Variants in ZFAND6 observed in about 807,000 individuals in gnomAD.
The protein encoded by ZFAND6 is zinc finger AN1-type containing 6.
In ZFAND6, 12 loss-of-function variants were observed where a neutral mutation model predicts 24.5. The ratio of observed to expected loss-of-function variants is 0.49; its 90% CI spans 0.31 to 0.79. The LOEUF (loss-of-function observed/expected upper bound fraction) is 0.79. Ranked by LOEUF, ZFAND6 falls within the 30% of genes least tolerant of loss-of-function variation. The pLI is 0.04. For synonymous variants in ZFAND6, 92 were observed against 81.5 expected (o/e 1.13, Z -0.69); for missense variants, 207 against 245.9 (o/e 0.84, Z 1.06).
intron 2 of ZFAND6, among the ~76,000 whole-genome samples, chr15:80,115,275 C>T (rs1003063738): frequency 5.9e-5 from 9 of 152,080 alleles, no homozygotes; most frequent in Non-Finnish European, 1.3e-4. Context: ...GATTTGACTA[C>T]GAATGTTATG....
chr15:80,076,193 C>T (rs1388849762), intron 1 of ZFAND6, among the ~76,000 whole-genome samples: 3 of 152,098 alleles, frequency 2.0e-5, no homozygotes, highest in Non-Finnish European at 2.9e-5. Flanking sequence ...ATGGTTCCAA[C>T]GTCTGAATCT....
chr15:80,060,427 G>A (rs2036268611), intron 1 of ZFAND6: 1 of 152,124 alleles, frequency 6.6e-6, no homozygotes, highest in Non-Finnish European at 1.5e-5. Context: ...TTATATTTAA[G>A]TTTTAGCTAC....
At chr15:80,136,700 C>T (rs1350450540) in intron 6 of ZFAND6, among the ~76,000 whole-genome samples, 1 of 152,152 alleles carries the variant, frequency 6.6e-6, no homozygotes, top group East Asian at 1.9e-4. Flanking sequence ...TGCTCCATTT[C>T]TAACAATTGT....
In ZFAND6 at chr15:80,137,381, A is replaced by T. The variant is rs74026828; in HGVS notation, c.479-99A>T. On this transcript the variant is annotated intron_variant, in intron 6 of 6. Transcript: ENST00000261749. ...TATTTAGAATGATTCTTTAGTTTACATTGCTGCCCTAAATATATTGTGCTG... is the reference window on the plus strand; with the variant it reads ...TATTTAGAATGATTCTTTAGTTTACTTTGCTGCCCTAAATATATTGTGCTG... The T allele has an allele frequency of 1.1e-3, 1,398 of 1,330,690 alleles. 13 individuals are homozygous for T. The African/African-American group carries it at 0.019, about 18-fold the overall frequency. 82.4% of individuals were successfully genotyped at this position (1,330,690 alleles called of 1,614,324 possible). A position where few individuals can be genotyped will look rare whatever the true frequency, so the allele number is the denominator to read the frequency against.
chr15:80,119,558 T>C (rs2040052604), intron 2 of ZFAND6, among the ~76,000 whole-genome samples: 1 of 145,466 alleles, frequency 6.9e-6, no homozygotes, highest in Non-Finnish European at 1.5e-5. Flanking sequence ...ACTGCATAAC[T>C]TTTGTCATTT....
At chr15:80,097,456 C>G (rs568503423) in intron 1 of ZFAND6, among the ~76,000 whole-genome samples, 53 of 152,100 alleles carry the variant, frequency 3.5e-4, no homozygotes, top group African/African-American at 1.2e-3. Context: ...GAGACCAGCC[C>G]TGCCGATATG....
At chr15:80,066,510 A>G (rs1340052423) in intron 1 of ZFAND6, among the ~76,000 whole-genome samples, 1 of 151,876 alleles carries the variant, frequency 6.6e-6, no homozygotes, top group Non-Finnish European at 1.5e-5. Context: ...ATGGGGTTTC[A>G]CCACGGTGGC....
chr15:80,078,289 T>C (rs10152983), intron 1 of ZFAND6, among the ~76,000 whole-genome samples: 117,863 of 152,140 alleles, frequency 0.77, 45,898 homozygotes, highest in Admixed American at 0.85. Flanking sequence ...TTAGTTCCCA[T>C]TTATAAGTGA....
chr15:80,065,940 A>G (rs1567047096), intron 1 of ZFAND6, among the ~76,000 whole-genome samples: 1 of 152,208 alleles, frequency 6.6e-6, no homozygotes, highest in African/African-American at 2.4e-5. Context: ...TCCTCTGAGC[A>G]TAGCTTTAGC....
At chr15:80,133,124 A>G (rs923512381) in intron 6 of ZFAND6, among the ~76,000 whole-genome samples, 5 of 152,060 alleles carry the variant, frequency 3.3e-5, no homozygotes, top group African/African-American at 1.2e-4. Flanking sequence ...TCATTATATC[A>G]CAGCTTTTAG....
At chr15:80,073,700 G>A (rs948084759) in intron 1 of ZFAND6, among the ~76,000 whole-genome samples, 2 of 151,684 alleles carry the variant, frequency 1.3e-5, no homozygotes, top group African/African-American at 2.4e-5. Flanking sequence ...TTTTTTTCCT[G>A]TTCCCTTCTC....
At chr15:80,118,034 GTA>G (rs1223679887) in intron 2 of ZFAND6, among the ~76,000 whole-genome samples, 3 of 151,550 alleles carry the variant, frequency 2.0e-5, no homozygotes, top group Non-Finnish European at 2.9e-5. Context: ...GTGTGTGTGT[GTA>G]TATGTATGTA....
rs1209355116 is a variant in ZFAND6, at chr15:80,114,752, G to T, written c.-17-5576G>T. On this transcript the variant is annotated intron_variant, in intron 2 of 6. Coordinates refer to ENST00000261749, the MANE Select transcript of ZFAND6 (RefSeq NM_019006.4). ...TAATTGGTAATGAATTTTCTTTACA[G>T]TCTTAAAGCATTTAATCTTGAATTT... 2.0e-5 allele frequency among the ~76,000 whole-genome samples: 3 copies of T among 152,132 alleles called. No homozygotes were observed. In the East Asian group the frequency reaches 5.8e-4, roughly 29 times the overall value.
chr15:80,102,176 T>C (rs1244961113), intron 2 of ZFAND6, among the ~76,000 whole-genome samples: 2 of 151,272 alleles, frequency 1.3e-5, no homozygotes, highest in East Asian at 3.9e-4. Flanking sequence ...TGAGATGGAG[T>C]TTCACTCTTG....
At chr15:80,089,638 C>T (rs767946012) in intron 1 of ZFAND6, among the ~76,000 whole-genome samples, 4 of 152,112 alleles carry the variant, frequency 2.6e-5, no homozygotes, top group Non-Finnish European at 5.9e-5. Flanking sequence ...TAGCTGCTTA[C>T]CATAGGCTGA....
intron 1 of ZFAND6, among the ~76,000 whole-genome samples, chr15:80,076,825 A>G (rs1388874035): frequency 2.0e-5 from 3 of 151,740 alleles, no homozygotes; most frequent in African/African-American, 7.3e-5. Context: ...CTCTTTAACC[A>G]CCAGCTATTT....
intron 1 of ZFAND6, chr15:80,073,214 A>C: frequency 4.7e-6 from 1 of 211,700 alleles, no homozygotes; most frequent in South Asian, 5.2e-5. Flanking sequence ...TTGATGAACA[A>C]AGTGAAACTG....
chr15:80,124,427 C>T (rs1456554495), intron 5 of ZFAND6, among the ~76,000 whole-genome samples: 4 of 148,458 alleles, frequency 2.7e-5, no homozygotes, highest in East Asian at 3.9e-4. Context: ...AGCGAGACTC[C>T]GTCTCAAAAA....
chr15:80,137,162 G>A (rs766717684), intron 6 of ZFAND6, among the ~76,000 whole-genome samples: 8 of 152,186 alleles, frequency 5.3e-5, no homozygotes, highest in South Asian at 4.1e-4. Context: ...TTCTCACATC[G>A]TAGTGTTTGG....
Sources: allele counts gnomAD v4.1 joint callset (sites outside exome capture counted in the v4.1 genomes callset), GRCh38; gene constraint gnomAD v4.1.1; transcripts MANE v1.5; gene names NCBI Gene and HGNC (gene_info 2026-07-23, HGNC 2026-07-21).